The following MCTP1 variants were observed in gnomAD, a reference collection of about 807,000 sequenced individuals.
MCTP1 encodes multiple C2 and transmembrane domain-containing protein 1.
MCTP1 carries 69 observed loss-of-function variants against 120.6 expected under a neutral mutation model. The ratio of observed to expected loss-of-function variants is 0.57; its 90% confidence interval spans 0.47 to 0.70. The LOEUF (loss-of-function observed/expected upper bound fraction) is 0.70, where lower values mean the gene tolerates loss of function less well. Among genes scored for constraint, MCTP1 ranks in the 30% least tolerant of loss-of-function variants. The pLI, the probability that MCTP1 is intolerant of heterozygous loss-of-function variation, is 0.00. For synonymous variants in MCTP1, 529 were observed against 493.1 expected, an observed-to-expected ratio of 1.07 and a Z score of -0.96; for missense variants, 1,203 against 1,248.8, an observed-to-expected ratio of 0.96 and a Z score of 0.55.
At chr5:95,141,580 C>T (rs1390293325) in intron 1 of MCTP1, among the ~76,000 whole-genome samples, 1 of 152,170 alleles carries the variant, frequency 6.6e-6, no homozygotes, top group East Asian at 1.9e-4. Flanking sequence ...TTACCTGATA[C>T]CGAAGTGTCA....
chr5:94,868,353 T>C lies in MCTP1; in HGVS notation c.2416A>G (p.Arg806Gly). The change falls in exon 17 of 23, where the codon AGG (arginine) becomes GGG (glycine). Residue 806 changes from arginine (R) to glycine (G), a missense_variant. By Grantham distance (125) the Arg-to-Gly change is moderately radical. Coordinates refer to ENST00000515393, the MANE Select transcript of MCTP1 (RefSeq NM_024717.7). Reference protein sequence around the residue: ...NSCFDWDSPPRSLAAFVLFLF... With the variant: ...NSCFDWDSPPGSLAAFVLFLF... The stretch of plus-strand genomic sequence containing the variant: ...CATACCACAAAAGCAGCGAGACTCC[T>C]TGGGGGTGAATCCCAATCAAAGCAA... 1 of 1,604,740 alleles carries C rather than the reference T, an allele frequency of 6.2e-7. No individual in the cohort carries two copies. The highest frequency in any genetic ancestry group is 8.5e-7 in the Non-Finnish European group (1 of 1,175,896).
Position 94,841,704 on chromosome 5 carries a change from T to C in MCTP1, c.2436+26629A>G, listed in dbSNP as rs920371533. Among the ~76,000 whole-genome samples the C allele has an allele frequency of 5.9e-5, 9 of 152,334 alleles. No individual in the cohort carries two copies. In the East Asian group the frequency reaches 1.5e-3, roughly 26 times the overall value. On this transcript the variant is annotated intron_variant, in intron 17 of 22. Coordinates refer to ENST00000515393, the MANE Select transcript of MCTP1 (RefSeq NM_024717.7). ...TATTCAAAAACACATTCTGAATGGA[T>C]GTATATATGCACTCATATACATTCA...
At chr5:94,708,083 T>TC (rs1298054540) in intron 22 of MCTP1, 1 of 156,292 alleles carries the variant, frequency 6.4e-6, no homozygotes, top group East Asian at 1.9e-4. Context: ...CAGTCAGCTT[T>TC]CCTCTCCTCA....
intron 1 of MCTP1, among the ~76,000 whole-genome samples, chr5:95,248,958 T>C (rs1757100903): frequency 6.6e-6 from 1 of 152,084 alleles, no homozygotes; most frequent in Non-Finnish European, 1.5e-5. Flanking sequence ...TGGCTAACCA[T>C]AGGTAGAAAG....
chr5:94,842,794 T>G (rs899044572), intron 17 of MCTP1, among the ~76,000 whole-genome samples: 1 of 152,148 alleles, frequency 6.6e-6, no homozygotes, highest in African/African-American at 2.4e-5. Flanking sequence ...AGAAATAATA[T>G]AGAAAAGACC....
At chr5:95,186,947 C>T (rs1335334787) in intron 1 of MCTP1, among the ~76,000 whole-genome samples, 1 of 152,098 alleles carries the variant, frequency 6.6e-6, no homozygotes, top group Non-Finnish European at 1.5e-5. Context: ...AGACAGGCAA[C>T]AATAAATGCT....
At chr5:94,736,210 T>G (rs13186468) in intron 19 of MCTP1, among the ~76,000 whole-genome samples, 68,148 of 152,090 alleles carry the variant, frequency 0.45, 15,358 homozygotes, top group South Asian at 0.52. Context: ...TTTGATCTTC[T>G]GGGTGCAGTG....
intron 1 of MCTP1, among the ~76,000 whole-genome samples, chr5:95,111,718 T>C (rs1196692095): frequency 6.6e-6 from 1 of 152,202 alleles, no homozygotes; most frequent in Non-Finnish European, 1.5e-5. Context: ...GAATTGAACA[T>C]GACAAGTCAG....
intron 21 of MCTP1, chr5:94,710,071 C>A (rs551013614): frequency 2.0e-5 from 3 of 152,180 alleles, no homozygotes; most frequent in African/African-American, 4.8e-5. Flanking sequence ...GTAGAGAATT[C>A]TTCTTCTACC....
chr5:95,032,365 A>G (rs570014855), intron 1 of MCTP1, among the ~76,000 whole-genome samples: 1 of 152,274 alleles, frequency 6.6e-6, no homozygotes, highest in South Asian at 2.1e-4. Flanking sequence ...TAAATTCAAA[A>G]TAACTGAAAT....
intron 2 of MCTP1, among the ~76,000 whole-genome samples, chr5:95,013,332 T>G (rs975213208): frequency 6.6e-6 from 1 of 152,044 alleles, no homozygotes; most frequent in Non-Finnish European, 1.5e-5. Flanking sequence ...AGCAAGATAA[T>G]TGATGACGGT....
rs566875523 is a variant in MCTP1, at chr5:95,268,979, T to C, written c.720+14877A>G. Among the ~76,000 whole-genome samples, 197 of 152,332 alleles carry C rather than the reference T, an allele frequency of 1.3e-3. 1 individual carries two copies. Among genetic ancestry groups the C allele is most frequent in the Middle Eastern group, 6.8e-3 (2 of 294 alleles). ...CACCTATAACATAGCAGTTAGACTC[T>C]TGAGTTTTGGAGCCAGTTCTGAGCT... On this transcript the variant is annotated intron_variant, in intron 1 of 22. Coordinates refer to ENST00000515393, the MANE Select transcript of MCTP1 (RefSeq NM_024717.7).
chr5:94,907,241 G>T (rs1807149335), intron 10 of MCTP1, among the ~76,000 whole-genome samples: 1 of 152,192 alleles, frequency 6.6e-6, no homozygotes, highest in Non-Finnish European at 1.5e-5. Context: ...GATTTGAAAT[G>T]ATGATGCATC....
chr5:94,894,700 A>C lies in MCTP1; in HGVS notation c.1788T>G (p.Ser596=). The change falls in exon 11 of 23, where the codon TCT becomes TCG. Residue 596 remains serine, a synonymous_variant. Transcript: ENST00000515393. ...CCTTCTGGTCCTCCAGGGAGTTGAC[A>C]GACAGGTCAGAGATGCTGACTGTGG... ...ASATVSISDL[S]VNSLEDQKER... is the part of the protein sequence containing the mutation. The C allele has an allele frequency of 1.2e-6, 2 of 1,613,120 alleles. No individual in the cohort carries two copies. Among genetic ancestry groups the C allele is most frequent in the Non-Finnish European group, 1.7e-6 (2 of 1,179,198 alleles).
intron 1 of MCTP1, among the ~76,000 whole-genome samples, chr5:95,113,413 C>A (rs1279043138): frequency 6.6e-6 from 1 of 152,016 alleles, no homozygotes; most frequent in Non-Finnish European, 1.5e-5. Context: ...GCTGACACCA[C>A]CCCTCCCCCA....
At chr5:95,009,049 AGG>A (rs1835347069) in intron 2 of MCTP1, among the ~76,000 whole-genome samples, 1 of 133,888 alleles carries the variant, frequency 7.5e-6, no homozygotes, top group Non-Finnish European at 1.6e-5. Flanking sequence ...AGAGTGAGAG[AGG>A]GAGAAAGAGA....
chr5:94,922,155 C>T (rs537383975), intron 7 of MCTP1, among the ~76,000 whole-genome samples: 11 of 152,194 alleles, frequency 7.2e-5, no homozygotes, highest in Admixed American at 2.6e-4. Context: ...ACCATCACAC[C>T]GTGGATACAA....
chr5:95,277,210 C>T (rs932467853), intron 1 of MCTP1, among the ~76,000 whole-genome samples: 1 of 152,284 alleles, frequency 6.6e-6, no homozygotes, highest in Non-Finnish European at 1.5e-5. Flanking sequence ...CCAAGAACTA[C>T]ATCCCTGACC....
intron 1 of MCTP1, among the ~76,000 whole-genome samples, chr5:95,084,634 A>G (rs1056479793): frequency 1.3e-5 from 2 of 152,112 alleles, no homozygotes; most frequent in Admixed American, 6.6e-5. Flanking sequence ...CAACAGTCCA[A>G]TGTTTATAAT....
Sources: allele counts gnomAD v4.1 joint callset (sites outside exome capture counted in the v4.1 genomes callset), GRCh38; gene constraint gnomAD v4.1.1; transcripts MANE v1.5; gene names NCBI Gene and HGNC (gene_info 2026-07-23, HGNC 2026-07-21).